The following NRXN2 variants were observed in gnomAD, a reference collection of about 807,000 sequenced individuals.
The protein encoded by NRXN2 is neurexin 2.
In NRXN2, 29 loss-of-function variants were observed where a neutral mutation model predicts 128.8. The observed-to-expected ratio is 0.23, with a 90% CI of 0.17 to 0.31. The LOEUF is 0.31. NRXN2 is among the 10% of genes least tolerant of loss of function. The probability of loss-of-function intolerance (pLI) is 1.00; values close to 1 mark genes in which losing one functional copy is unlikely to be tolerated. For synonymous variants in NRXN2, 1,098 were observed against 1,075.2 expected, an observed-to-expected ratio of 1.02 and a Z score of -0.41; for missense variants, 1,881 against 2,452.6, an observed-to-expected ratio of 0.77 and a Z score of 4.92.
chr11:64,672,186 G>T (rs2050724886), intron 7 of NRXN2, among the ~76,000 whole-genome samples: 1 of 152,200 alleles, frequency 6.6e-6, no homozygotes, highest in Admixed American at 6.5e-5. Context: ...CTGGCTGGAG[G>T]TGGACACAAG....
At chr11:64,721,846 G>A (rs1293323609) in intron 1 of NRXN2, among the ~76,000 whole-genome samples, 1 of 151,908 alleles carries the variant, frequency 6.6e-6, no homozygotes, top group African/African-American at 2.4e-5. Context: ...AAGGGACTGG[G>A]GACCCAAGAC....
chr11:64,629,514 T>C (rs768601147), intron 19 of NRXN2, among the ~76,000 whole-genome samples: 4 of 152,190 alleles, frequency 2.6e-5, no homozygotes, highest in Non-Finnish European at 4.4e-5. Flanking sequence ...CCTCTCATTC[T>C]AAGGCTCTGT....
At chr11:64,653,870 C>A in intron 11 of NRXN2, 148 bp from the exon 12 acceptor site, 1 of 627,836 alleles carries the variant, frequency 1.6e-6, no homozygotes, top group Admixed American at 2.6e-5. Flanking sequence ...TGCCCAGGTG[C>A]CCTCTTCCCT....
chr11:64,609,248 T>C (rs1423162389), intron 22 of NRXN2, among the ~76,000 whole-genome samples: 5 of 150,956 alleles, frequency 3.3e-5, no homozygotes, highest in East Asian at 1.9e-4. Context: ...CCCCACTGAC[T>C]TCCCCCCTCC....
At chr11:64,644,759 G>A (rs1178416138) in intron 17 of NRXN2, among the ~76,000 whole-genome samples, 1 of 151,868 alleles carries the variant, frequency 6.6e-6, no homozygotes, top group Non-Finnish European at 1.5e-5. Flanking sequence ...GCTGGGTAAG[G>A]AAAGGACAGG....
At chr11:64,642,725 G>T in intron 17 of NRXN2, 1 of 1,447,192 alleles carries the variant, frequency 6.9e-7, no homozygotes, top group African/African-American at 1.5e-5. Flanking sequence ...GGCGGCGGCG[G>T]TGGAGGCGGC....
At chr11:64,710,056 C>T (rs1369002544) in intron 2 of NRXN2, among the ~76,000 whole-genome samples, 1 of 151,956 alleles carries the variant, frequency 6.6e-6, no homozygotes, top group Non-Finnish European at 1.5e-5. Context: ...TACAAGTGCC[C>T]GCCACCATGC....
chr11:64,651,153 G>C lies in NRXN2; in HGVS notation c.2918+102C>G. ...GGACCTGAATCTTGACTTGTGATCT[G>C]GGGGGATTGGACACCTCGGCCAGTA... On this transcript the variant is annotated intron_variant, in intron 14 of 22. Transcript: ENST00000265459. The surrounding 1 kb of genome is among the most constrained non-coding windows in gnomAD (Gnocchi z 5.9). 2 of 1,490,390 alleles carry C rather than the reference G, an allele frequency of 1.3e-6. No homozygotes were observed. Among genetic ancestry groups the C allele is most frequent in the Non-Finnish European group, 1.9e-6 (2 of 1,078,874 alleles). 92.3% of individuals were successfully genotyped at this position (1,490,390 alleles called of 1,614,324 possible).
chr11:64,634,574 G>A (rs906561766), intron 18 of NRXN2, among the ~76,000 whole-genome samples: 1 of 152,128 alleles, frequency 6.6e-6, no homozygotes, highest in African/African-American at 2.4e-5. Flanking sequence ...GGCACAGGGA[G>A]GGGCTAGGGC....
intron 3 of NRXN2, among the ~76,000 whole-genome samples, chr11:64,696,342 G>A (rs771456867): frequency 5.3e-5 from 8 of 151,914 alleles, no homozygotes; most frequent in African/African-American, 7.3e-5. Context: ...CTCTACATAG[G>A]CATACAGAAA....
rs775042347 is a variant in NRXN2, at chr11:64,713,480, C to T, written c.220G>A (p.Asp74Asn). 2 of 1,533,166 alleles carry T rather than the reference C, an allele frequency of 1.3e-6. No individual in the cohort carries two copies. The highest frequency in any genetic ancestry group is 1.4e-5 in the African/African-American group (1 of 70,824). The allele number at this position is 1,533,166 out of a possible 1,614,324, so 95.0% of individuals were successfully genotyped here. Residue 74 changes from aspartate to asparagine, a missense_variant, in exon 2 of 23, where the codon GAC becomes AAC. Physicochemically the swap from Asp to Asn is conservative, Grantham distance 23 (BLOSUM62 1). Around this residue, in one of 7 missense-constraint regions of NRXN2, gnomAD observed 997 missense variants for 1,240.8 expected, o/e 0.80. Coordinates refer to ENST00000265459, the MANE Select transcript of NRXN2 (RefSeq NM_015080.4). ...ALLLYLDDGG[D>N]CDFLELLLVD... ...AGCAGCAGCTCCAGGAAGTCGCAGT[C>T]GCCGCCGTCGTCCAGGTAGAGCAGC... is the stretch of plus-strand genomic sequence containing the variant.
intron 1 of NRXN2, among the ~76,000 whole-genome samples, chr11:64,717,211 A>G (rs913566417): frequency 6.6e-6 from 1 of 152,162 alleles, no homozygotes; most frequent in African/African-American, 2.4e-5. Flanking sequence ...TTGCACCCAC[A>G]GCGTCCAAGT....
At chr11:64,663,627 C>T (rs1032667862) in intron 9 of NRXN2, among the ~76,000 whole-genome samples, 1 of 152,084 alleles carries the variant, frequency 6.6e-6, no homozygotes, top group South Asian at 2.1e-4. Flanking sequence ...GGGCTTTACA[C>T]GACTCAACCA....
Position 64,713,706 on chromosome 11 carries a change from G to A in NRXN2, c.-7C>T. On this transcript the variant is annotated 5_prime_UTR_variant, in exon 2 of 23. Transcript: ENST00000265459. ...ACCGGCTCCCGGACGCCATGCCTAC[G>A]GCGGCCCCGGCCCCGCCCGGCCCCC... is the stretch of plus-strand genomic sequence containing the variant. The A allele has an allele frequency of 2.8e-6, 3 of 1,078,868 alleles. No homozygotes were observed. The highest frequency in any genetic ancestry group is 3.4e-6 in the Non-Finnish European group (3 of 892,780). 66.8% of individuals were successfully genotyped at this position (1,078,868 alleles called of 1,614,324 possible).
chr11:64,630,457 G>A lies in NRXN2; in HGVS notation c.3702C>T (p.Gly1234=). 6.2e-7 allele frequency: 1 copy of A among 1,613,554 alleles called. No individual in the cohort carries two copies. Among genetic ancestry groups the A allele is most frequent in the Non-Finnish European group, 8.5e-7 (1 of 1,179,892 alleles). The part of the protein sequence containing the change: ...KYHVVRFTRS[G]GNATLQVDSW... ...TGTCCACCTGCAGGGTGGCGTTGCC[G>A]CCGCTTCGAGTGAAGCGCACCACGT... is the stretch of plus-strand genomic sequence containing the variant. The change falls in exon 19 of 23, where the codon GGC becomes GGT. Residue 1234 remains glycine, a synonymous_variant. Transcript: ENST00000265459. This position sits in a 1 kb window ranked among gnomAD's most constrained non-coding sequence, Gnocchi z 4.6.
At chr11:64,638,367 G>A (rs1394722989) in intron 17 of NRXN2, among the ~76,000 whole-genome samples, 2 of 152,174 alleles carry the variant, frequency 1.3e-5, no homozygotes, top group African/African-American at 4.8e-5. Context: ...ATTACCCTGG[G>A]GAGACATTTC....
Position 64,660,511 on chromosome 11 carries a change from C to G in NRXN2, c.2210G>C (p.Gly737Ala). Residue 737 changes from glycine (G) to alanine (A), a missense_variant, in exon 11 of 23, where the codon GGC (glycine) becomes GCC (alanine). Coordinates refer to ENST00000265459, the MANE Select transcript of NRXN2 (RefSeq NM_015080.4). This position sits in a 1 kb window ranked among gnomAD's most constrained non-coding sequence, Gnocchi z 5.2. ...EREATVLSYD[G>A]SMYMKIMLPN... is the part of the protein sequence containing the mutation. ...CAGCATGATCTTCATGTACATGGAGCCATCGTAGCTCAGGACCGTGGCCTC... is the reference window on the plus strand; with the variant it reads ...CAGCATGATCTTCATGTACATGGAGGCATCGTAGCTCAGGACCGTGGCCTC... The G allele has an allele frequency of 6.2e-7, 1 of 1,613,998 alleles. No homozygotes were observed. The highest frequency in any genetic ancestry group is 1.1e-5 in the South Asian group (1 of 91,074).
intron 11 of NRXN2, among the ~76,000 whole-genome samples, chr11:64,654,425 C>A (rs977195168): frequency 6.6e-6 from 1 of 152,230 alleles, no homozygotes; most frequent in African/African-American, 2.4e-5. Context: ...GAGCCAAGGC[C>A]TCACAGATAG....
chr11:64,699,254 G>A (rs894401535), intron 2 of NRXN2, among the ~76,000 whole-genome samples: 1 of 151,988 alleles, frequency 6.6e-6, no homozygotes, highest in African/African-American at 2.4e-5. Flanking sequence ...AGTGACTCCA[G>A]TGGCTAAAGC....
Sources: allele counts gnomAD v4.1 joint callset (sites outside exome capture counted in the v4.1 genomes callset), GRCh38; gene constraint gnomAD v4.1.1; regional missense constraint gnomAD v4.1.1; non-coding constraint Gnocchi (gnomAD v3.1); transcripts MANE v1.5; gene names NCBI Gene and HGNC (gene_info 2026-07-23, HGNC 2026-07-21).